RGS7: variants seen among roughly 807,000 people sequenced by gnomAD.
RGS7 encodes regulator of G-protein signaling 7.
A neutral mutation model predicts 81.1 loss-of-function variants in RGS7; 27 were observed. The observed-to-expected ratio is 0.33, with a 90% CI of 0.25 to 0.46. The LOEUF (loss-of-function observed/expected upper bound fraction) is 0.46, where lower values mean the gene tolerates loss of function less well. Among genes scored for constraint, RGS7 ranks in the 20% least tolerant of loss-of-function variants. RGS7 has a pLI of 1.00. For synonymous variants in RGS7, 208 were observed against 207.7 expected, an observed-to-expected ratio of 1.00 and a Z score of -0.01; for missense variants, 396 against 607.4, an observed-to-expected ratio of 0.65 and a Z score of 3.66.
chr1:241,227,306 G>T (rs145864645), intron 2 of RGS7, among the ~76,000 whole-genome samples: 30 of 152,240 alleles, frequency 2.0e-4, no homozygotes, highest in African/African-American at 7.0e-4. Context: ...AGTGACAAAG[G>T]CTGGGAGTGC....
chr1:240,784,516 G>T (rs1055850498), intron 18 of RGS7, among the ~76,000 whole-genome samples: 42 of 150,558 alleles, frequency 2.8e-4, no homozygotes, highest in African/African-American at 9.0e-4. Flanking sequence ...CGTGGTGGCG[G>T]GCGCCTGTAG....
Position 240,973,611 on chromosome 1 carries a change from A to ATC in RGS7, c.226+9467_226+9468insGA, listed in dbSNP as rs2148519140. Among the ~76,000 whole-genome samples the ATC allele has an allele frequency of 2.0e-5, 3 of 151,872 alleles. No homozygotes were observed. The South Asian group carries it at 6.3e-4, about 32-fold the overall frequency. The stretch of plus-strand genomic sequence containing the variant: ...AACAGAGACATTCTTTTTTTTGGAG[A>ATC]TGGAGTCTCGCTCTGTTGCCCAGGC... On this transcript the variant is annotated intron_variant, in intron 4 of 18. Coordinates refer to ENST00000440928, the MANE Select transcript of RGS7 (RefSeq NM_001364886.1).
At chr1:240,966,029 G>A (rs1682245814) in intron 4 of RGS7, among the ~76,000 whole-genome samples, 1 of 152,144 alleles carries the variant, frequency 6.6e-6, no homozygotes, top group African/African-American at 2.4e-5. Context: ...ATACCCGACT[G>A]AGCAGAAATA....
intron 3 of RGS7, among the ~76,000 whole-genome samples, chr1:240,990,904 A>G (rs181864695): frequency 2.5e-4 from 38 of 152,352 alleles, no homozygotes; most frequent in Non-Finnish European, 5.0e-4. Flanking sequence ...CATGGCAAAA[A>G]GCAAATTATC....
intron 2 of RGS7, among the ~76,000 whole-genome samples, chr1:241,292,977 T>G (rs2079172504): frequency 6.6e-6 from 1 of 152,308 alleles, no homozygotes; most frequent in East Asian, 1.9e-4. Context: ...CATCAGAAAA[T>G]TTGTAGAATG....
At position 240,853,820 on chromosome 1, in the gene RGS7, G is replaced by A. The variant is rs1287903219; in HGVS notation, c.609+14767C>T. ...GGAGGCTGAGGCAGGAGAATGGCGT[G>A]AACCCGGGAGGCGGAGCTTGCAGTG... is the stretch of plus-strand genomic sequence containing the variant. On this transcript the variant is annotated intron_variant, in intron 9 of 18. Transcript: ENST00000440928. Among the ~76,000 whole-genome samples the A allele has an allele frequency of 2.2e-5, 3 of 133,668 alleles. No homozygotes were observed. In the East Asian group the frequency reaches 7.4e-4, roughly 33 times the overall value. The allele number at this position is 133,668 out of a possible 152,430, so 87.7% of individuals were successfully genotyped here.
intron 2 of RGS7, among the ~76,000 whole-genome samples, chr1:241,128,160 C>T (rs1291405123): frequency 6.6e-6 from 1 of 151,872 alleles, no homozygotes; most frequent in Non-Finnish European, 1.5e-5. Flanking sequence ...GCCTTTAGTC[C>T]CAGCTACTAG....
chr1:241,320,248 T>C (rs1410293803), intron 2 of RGS7, among the ~76,000 whole-genome samples: 1 of 152,230 alleles, frequency 6.6e-6, no homozygotes, highest in Non-Finnish European at 1.5e-5. Flanking sequence ...GGCCCCTTGC[T>C]CTATGTTCCT....
intron 2 of RGS7, among the ~76,000 whole-genome samples, chr1:241,280,522 G>C (rs1433851187): frequency 1.3e-5 from 2 of 152,232 alleles, no homozygotes; most frequent in Non-Finnish European, 2.9e-5. Flanking sequence ...TTTTGAGACA[G>C]GGTCTTGCTC....
chr1:241,109,567 C>T (rs1295948689), intron 2 of RGS7, among the ~76,000 whole-genome samples: 1 of 151,936 alleles, frequency 6.6e-6, no homozygotes, highest in Non-Finnish European at 1.5e-5. Flanking sequence ...GAATTATCAC[C>T]CCCCATTTTT....
intron 2 of RGS7, among the ~76,000 whole-genome samples, chr1:241,287,969 C>T (rs1292142188): frequency 6.6e-6 from 1 of 152,182 alleles, no homozygotes; most frequent in Non-Finnish European, 1.5e-5. Flanking sequence ...GACAGGTAAC[C>T]TTGGGCTCTG....
At chr1:241,143,962 C>T (rs2103095748) in intron 2 of RGS7, among the ~76,000 whole-genome samples, 1 of 152,272 alleles carries the variant, frequency 6.6e-6, no homozygotes, top group East Asian at 1.9e-4. Flanking sequence ...TCACTGGTGA[C>T]TAAATCTGCC....
At chr1:241,320,956 T>A (rs2081173272) in intron 2 of RGS7, among the ~76,000 whole-genome samples, 2 of 152,190 alleles carry the variant, frequency 1.3e-5, no homozygotes, top group Admixed American at 6.5e-5. Flanking sequence ...AAATACCCAA[T>A]GTTATGTGAT....
chr1:241,327,955 C>A (rs1289784995), intron 2 of RGS7, among the ~76,000 whole-genome samples: 2 of 152,078 alleles, frequency 1.3e-5, no homozygotes, highest in African/African-American at 2.4e-5. Flanking sequence ...ATTTTCAAAG[C>A]AGAAATAACA....
chr1:241,092,589 T>C (rs1172406733), intron 3 of RGS7, among the ~76,000 whole-genome samples: 1 of 152,218 alleles, frequency 6.6e-6, no homozygotes, highest in African/African-American at 2.4e-5. Flanking sequence ...GAAGACATAA[T>C]GGTGTTAACA....
chr1:240,987,529 CT>C (rs541070675), intron 3 of RGS7, among the ~76,000 whole-genome samples: 950 of 140,666 alleles, frequency 6.8e-3, no homozygotes, highest in African/African-American at 9.7e-3. Flanking sequence ...AACTATTCTT[CT>C]TTTTTTTTTT....
At chr1:241,185,257 T>C (rs1202353746) in intron 2 of RGS7, among the ~76,000 whole-genome samples, 7 of 152,168 alleles carry the variant, frequency 4.6e-5, no homozygotes, top group African/African-American at 1.7e-4. Context: ...TTTCTATTGT[T>C]TCTATTTGTC....
At chr1:241,342,861 T>C (rs1198857239) in intron 2 of RGS7, among the ~76,000 whole-genome samples, 10 of 152,140 alleles carry the variant, frequency 6.6e-5, no homozygotes, top group Non-Finnish European at 1.5e-4. Flanking sequence ...AAATGGAAAA[T>C]AACAAGTGTT....
chr1:241,204,497 A>G (rs1181680063), intron 2 of RGS7, among the ~76,000 whole-genome samples: 1 of 152,204 alleles, frequency 6.6e-6, no homozygotes, highest in African/African-American at 2.4e-5. Flanking sequence ...GCAAAAATCA[A>G]AATTAAGGTA....
Sources: gnomAD v4.1 joint callset for allele counts (sites outside exome capture counted in the v4.1 genomes callset) on GRCh38, gnomAD v4.1.1 for gene constraint, MANE v1.5 for transcripts, NCBI Gene and HGNC (gene_info 2026-07-23, HGNC 2026-07-21) for gene names.